Variants in YPEL2 observed in about 807,000 individuals in gnomAD.
YPEL2 encodes yippee like 2, also known as protein yippee-like 2.
YPEL2 carries 2 observed loss-of-function variants against 19.1 expected under a neutral mutation model. The observed-to-expected ratio is 0.10, with a 90% CI of 0.04 to 0.33. YPEL2 has a LOEUF of 0.33. YPEL2 is among the 10% of genes least tolerant of loss of function. YPEL2 has a pLI of 1.00. For missense variants in YPEL2, 66 were observed against 140.7 expected, an observed-to-expected ratio of 0.47 and a Z score of 2.68; for synonymous variants, 52 against 50.0, an observed-to-expected ratio of 1.04 and a Z score of -0.17.
At chr17:59,332,166 A>G (rs1263515925) in intron 1 of YPEL2, among the ~76,000 whole-genome samples, 1 of 151,704 alleles carries the variant, frequency 6.6e-6, no homozygotes, top group Non-Finnish European at 1.5e-5. Context: ...CGGAGCTGGA[A>G]TCGCCGCTTC....
At chr17:59,351,730 A>G (rs1049623351) in intron 1 of YPEL2, among the ~76,000 whole-genome samples, 11 of 152,214 alleles carry the variant, frequency 7.2e-5, no homozygotes, top group African/African-American at 2.7e-4. Flanking sequence ...AGCAGGGGCG[A>G]CATCATACAT....
chr17:59,342,607 ATC>A (rs775107388), intron 1 of YPEL2, among the ~76,000 whole-genome samples: 69 of 152,288 alleles, frequency 4.5e-4, no homozygotes, highest in Admixed American at 1.2e-3. Context: ...CATGGGAAAA[ATC>A]TATTTGTTTT....
chr17:59,359,168 C>T (rs142285854), intron 2 of YPEL2, among the ~76,000 whole-genome samples: 3 of 152,320 alleles, frequency 2.0e-5, no homozygotes, highest in South Asian at 2.1e-4. Flanking sequence ...CAGCGATCCA[C>T]GCGCCTTAGC....
chr17:59,389,326 A>G, intron 3 of YPEL2, 34 bp from the exon 4 acceptor site: 1 of 1,579,210 alleles, frequency 6.3e-7, no homozygotes, highest in Non-Finnish European at 8.7e-7. Flanking sequence ...CGTGTCACTA[A>G]CTACCCACTC....
intron 2 of YPEL2, among the ~76,000 whole-genome samples, chr17:59,384,629 G>A (rs2047971373): frequency 6.6e-6 from 1 of 152,150 alleles, no homozygotes; most frequent in African/African-American, 2.4e-5. Flanking sequence ...TCCATGTATT[G>A]TAACTGTTTA....
At chr17:59,334,674 C>T (rs983224155) in intron 1 of YPEL2, among the ~76,000 whole-genome samples, 2 of 151,918 alleles carry the variant, frequency 1.3e-5, no homozygotes, top group Non-Finnish European at 2.9e-5. Flanking sequence ...TGGTAGGATA[C>T]ATTTATTTGA....
At chr17:59,332,799 A>G (rs2047678547) in intron 1 of YPEL2, among the ~76,000 whole-genome samples, 1 of 152,192 alleles carries the variant, frequency 6.6e-6, no homozygotes, top group Non-Finnish European at 1.5e-5. Flanking sequence ...GAAAGGCCCC[A>G]GAGAACTGCT....
intron 2 of YPEL2, among the ~76,000 whole-genome samples, chr17:59,360,285 G>A (rs71372886): frequency 0.079 from 12,017 of 152,194 alleles, 583 homozygotes; most frequent in South Asian, 0.15. Context: ...CACCGTGTTG[G>A]CCAGGATGGT....
intron 2 of YPEL2, chr17:59,355,798 G>T (rs1238307596): frequency 6.6e-6 from 1 of 152,198 alleles, no homozygotes; most frequent in Admixed American, 6.5e-5. Flanking sequence ...CCCTTTTGGG[G>T]CAGAAAGGCT....
chr17:59,337,370 T>C (rs1041169267), intron 1 of YPEL2, among the ~76,000 whole-genome samples: 2 of 151,752 alleles, frequency 1.3e-5, no homozygotes, highest in African/African-American at 2.4e-5. Flanking sequence ...TTTGTATTTT[T>C]AGTAGAGATG....
At chr17:59,359,969 G>A (rs745719449) in intron 2 of YPEL2, among the ~76,000 whole-genome samples, 4 of 152,168 alleles carry the variant, frequency 2.6e-5, no homozygotes, top group Non-Finnish European at 5.9e-5. Context: ...GTGCGATCTC[G>A]GCTCACTGCA....
At chr17:59,380,501 C>T (rs888925939) in intron 2 of YPEL2, among the ~76,000 whole-genome samples, 2 of 152,154 alleles carry the variant, frequency 1.3e-5, no homozygotes, top group Non-Finnish European at 2.9e-5. Context: ...AACTCCTGAC[C>T]TCAAGTGATC....
At chr17:59,339,911 GTC>G (rs1317133089) in intron 1 of YPEL2, among the ~76,000 whole-genome samples, 2 of 151,938 alleles carry the variant, frequency 1.3e-5, no homozygotes, top group Non-Finnish European at 2.9e-5. Context: ...TTGTTCCAGG[GTC>G]TCTCTCCCAA....
At chr17:59,365,340 T>C (rs893755322) in intron 2 of YPEL2, among the ~76,000 whole-genome samples, 3 of 152,128 alleles carry the variant, frequency 2.0e-5, no homozygotes, top group Non-Finnish European at 4.4e-5. Flanking sequence ...CACCACAGCT[T>C]TCTGGGGCCT....
intron 2 of YPEL2, chr17:59,363,138 C>G (rs748448520): frequency 2.0e-5 from 3 of 150,608 alleles, no homozygotes; most frequent in Non-Finnish European, 4.4e-5. Flanking sequence ...TTCTTAGTTT[C>G]TATGTATATA....
Position 59,353,442 on chromosome 17 carries a change from GGCATATCT to G in YPEL2, c.36_43del (p.Tyr13LeufsTer19). Reference sequence around the variant, plus strand: ...AGATGACAAGATCGAAGACTTTCCAGGCATATCTGCCCTCCTGCCACCGGACCTACAGC... The same window carrying G: ...AGATGACAAGATCGAAGACTTTCCAGGCCCTCCTGCCACCGGACCTACAGC... On this transcript the variant is annotated frameshift_variant, in exon 2 of 5. Coordinates refer to ENST00000312655, the MANE Select transcript of YPEL2 (RefSeq NM_001005404.4). LOFTEE classifies it high-confidence loss of function. The surrounding 1 kb of genome is among the most constrained non-coding windows in gnomAD (Gnocchi z 4.8). 1.2e-6 allele frequency: 2 copies of G among 1,607,922 alleles called. No individual in the cohort carries two copies. The highest frequency in any genetic ancestry group is 1.7e-6 in the Non-Finnish European group (2 of 1,176,490).
Position 59,359,799 on chromosome 17 carries a change from G to A in YPEL2, c.117+6273G>A, listed in dbSNP as rs569788234. On this transcript the variant is annotated intron_variant, in intron 2 of 4. Coordinates refer to ENST00000312655, the MANE Select transcript of YPEL2 (RefSeq NM_001005404.4). Reference sequence around the variant, plus strand: ...AATAGTGGGACCTGGCTCTTTGCCAGAGCAGTGGTACTAAGAAACAGAAGG... The same window carrying A: ...AATAGTGGGACCTGGCTCTTTGCCAAAGCAGTGGTACTAAGAAACAGAAGG... 2.6e-5 allele frequency among the ~76,000 whole-genome samples: 4 copies of A among 152,378 alleles called. No homozygotes were observed. The East Asian group carries it at 7.7e-4, about 29-fold the overall frequency.
At chr17:59,389,065 C>A in intron 3 of YPEL2, 1 of 395,388 alleles carries the variant, frequency 2.5e-6, no homozygotes, top group Non-Finnish European at 4.7e-6. Context: ...GTCAGCTTGT[C>A]CCCCTAAGTC....
chr17:59,391,729 G>A (rs1466013626), intron 4 of YPEL2, among the ~76,000 whole-genome samples: 1 of 152,040 alleles, frequency 6.6e-6, no homozygotes, highest in African/African-American at 2.4e-5. Context: ...GTGAAACTCC[G>A]TCTCTACCAA....
Sources: gnomAD v4.1 joint callset for allele counts (sites outside exome capture counted in the v4.1 genomes callset) on GRCh38, gnomAD v4.1.1 for gene constraint, Gnocchi (gnomAD v3.1) non-coding constraint, MANE v1.5 for transcripts, NCBI Gene and HGNC (gene_info 2026-07-23, HGNC 2026-07-21) for gene names.